Variants in DCUN1D4 observed in about 807,000 individuals in gnomAD.
The protein encoded by DCUN1D4 is defective in cullin neddylation 1 domain containing 4.
Under a neutral mutation model 47.9 loss-of-function variants are expected in DCUN1D4, and 22 were observed. The ratio of observed to expected loss-of-function variants is 0.46; its 90% CI spans 0.33 to 0.66. The LOEUF is 0.66. Ranked by LOEUF, DCUN1D4 falls within the 30% of genes least tolerant of loss-of-function variation. DCUN1D4 has a pLI of 0.02. For missense variants in DCUN1D4, 301 were observed against 340.8 expected (o/e 0.88, Z 0.92); for synonymous variants, 121 against 112.2 (o/e 1.08, Z -0.50).
intron 8 of DCUN1D4, among the ~76,000 whole-genome samples, chr4:51,904,333 G>A (rs1456410469): frequency 6.6e-6 from 1 of 152,056 alleles, no homozygotes; most frequent in Middle Eastern, 3.2e-3. Flanking sequence ...TAAACCCTGG[G>A]GACTTCTGCT....
chr4:51,914,989 T>G lies in DCUN1D4; in HGVS notation c.*1405T>G, dbSNP rs1734190791. The G allele has an allele frequency of 6.6e-6, 1 of 152,482 alleles. No homozygotes were observed. The highest frequency in any genetic ancestry group is 2.4e-5 in the African/African-American group (1 of 41,416). The allele number at this position is 152,482 out of a possible 1,614,324, so 9.4% of individuals were successfully genotyped here. A position where few individuals can be genotyped will look rare whatever the true frequency, so the allele number is the denominator to read the frequency against. On this transcript the variant is annotated 3_prime_UTR_variant, in exon 11 of 11. Coordinates refer to ENST00000334635, the MANE Select transcript of DCUN1D4 (RefSeq NM_001040402.3). ...AAAGGTAATGGTGCATTTGAACAAG[T>G]AAATGCTGTCGTGGTCAGCAAGATC...
intron 1 of DCUN1D4, among the ~76,000 whole-genome samples, chr4:51,849,821 A>T (rs901220198): frequency 6.9e-6 from 1 of 144,268 alleles, no homozygotes; most frequent in African/African-American, 2.8e-5. Context: ...TGGGAATATT[A>T]GCTACAGAAA....
At position 51,882,881 on chromosome 4, in the gene DCUN1D4, C is replaced by T. The variant is rs578103162; in HGVS notation, c.344-3687C>T. 2.6e-5 allele frequency among the ~76,000 whole-genome samples: 4 copies of T among 152,178 alleles called. No homozygotes were observed. In the South Asian group the frequency reaches 6.2e-4, roughly 24 times the overall value. On this transcript the variant is annotated intron_variant, in intron 5 of 10. Transcript: ENST00000334635. Reference sequence around the variant, plus strand: ...AAAAGAATTACAAAGTAACTTTCCCCCCCGGCTCTATGCAGCTGCTTCTCA... The same window carrying T: ...AAAAGAATTACAAAGTAACTTTCCCTCCCGGCTCTATGCAGCTGCTTCTCA...
At chr4:51,893,965 G>A (rs1174279596) in intron 7 of DCUN1D4, among the ~76,000 whole-genome samples, 1 of 152,122 alleles carries the variant, frequency 6.6e-6, no homozygotes, top group African/African-American at 2.4e-5. Flanking sequence ...GTGTTTTGAG[G>A]GCCCTATCTC....
intron 1 of DCUN1D4, 166 bp downstream of exon 1, chr4:51,843,433 C>G: frequency 3.3e-6 from 4 of 1,206,114 alleles, no homozygotes; most frequent in Non-Finnish European, 4.2e-6. Flanking sequence ...GGTGACGCTG[C>G]GGGCGGCGTG....
intron 1 of DCUN1D4, among the ~76,000 whole-genome samples, chr4:51,847,110 T>A (rs1168512283): frequency 6.6e-6 from 1 of 152,206 alleles, no homozygotes; most frequent in Non-Finnish European, 1.5e-5. Context: ...AGATATGGCC[T>A]TTCGTAGGGT....
chr4:51,846,619 A>T (rs180873602), intron 1 of DCUN1D4, among the ~76,000 whole-genome samples: 93 of 152,362 alleles, frequency 6.1e-4, no homozygotes, highest in African/African-American at 2.2e-3. Context: ...CTAACTTAGC[A>T]GTATAAAAAT....
chr4:51,851,585 G>A (rs539258059), intron 1 of DCUN1D4, among the ~76,000 whole-genome samples: 23 of 152,052 alleles, frequency 1.5e-4, no homozygotes, highest in African/African-American at 4.8e-4. Flanking sequence ...GGGTCGGTGG[G>A]AAGAACTCAA....
At chr4:51,910,462 G>A (rs2110139147) in intron 8 of DCUN1D4, among the ~76,000 whole-genome samples, 1 of 152,186 alleles carries the variant, frequency 6.6e-6, no homozygotes, top group African/African-American at 2.4e-5. Context: ...GTCTATTGAA[G>A]GACTGTATTG....
At chr4:51,834,715 G>C in the DCUN1D4 span, among the ~76,000 whole-genome samples, 1 of 152,120 alleles carries the variant, frequency 6.6e-6, no homozygotes, top group Admixed American at 6.5e-5. Flanking sequence ...CACCCACCAA[G>C]AGCCATGGTC....
rs951559087 is a variant in DCUN1D4, at chr4:51,849,749, A to G, written c.25+6482A>G. ...CTTTTTCCTAATTCTTTGTCCCCCAAAAGTTGGGATGCCTAGGAGCTAATA... is the reference window on the plus strand; with the variant it reads ...CTTTTTCCTAATTCTTTGTCCCCCAGAAGTTGGGATGCCTAGGAGCTAATA... On this transcript the variant is annotated intron_variant, in intron 1 of 10. Transcript: ENST00000334635. Among the ~76,000 whole-genome samples the G allele has an allele frequency of 2.6e-5, 4 of 151,792 alleles. No individual in the cohort carries two copies. The South Asian group carries it at 6.2e-4, about 24-fold the overall frequency.
chr4:51,881,660 T>TAAAAAAAAAAAAAA (rs534474397), intron 5 of DCUN1D4, among the ~76,000 whole-genome samples: 2 of 109,972 alleles, frequency 1.8e-5, no homozygotes, highest in African/African-American at 3.4e-5. Flanking sequence ...AGATACAAGT[T>TAAAAAAAAAAAAAA]AAAAAAAAAA....
At chr4:51,899,464 C>A (rs766747630) in intron 8 of DCUN1D4, 86 bp downstream of exon 8, 6 of 1,485,944 alleles carry the variant, frequency 4.0e-6, no homozygotes, top group Non-Finnish European at 5.3e-6. Flanking sequence ...TTACATGCCA[C>A]AGCAAAAAAA....
intron 6 of DCUN1D4, among the ~76,000 whole-genome samples, chr4:51,887,907 T>G (rs1729764909): frequency 6.6e-6 from 1 of 151,152 alleles, no homozygotes. Flanking sequence ...TTTTTTGGTT[T>G]TTTTTTTTTT....
chr4:51,844,799 G>A (rs970909823), intron 1 of DCUN1D4: 82 of 983,812 alleles, frequency 8.3e-5, no homozygotes, highest in Non-Finnish European at 9.4e-5. Context: ...TCGCGGCCGC[G>A]CCCGGCCGCG....
upstream of DCUN1D4, among the ~76,000 whole-genome samples, chr4:51,840,789 T>C (rs1458743636): frequency 4.6e-5 from 7 of 152,234 alleles, no homozygotes; most frequent in Non-Finnish European, 1.0e-4. Context: ...GAGCATTATG[T>C]AGTCATTTTA....
chr4:51,883,899 T>C (rs1462213064), intron 5 of DCUN1D4, among the ~76,000 whole-genome samples: 1 of 151,646 alleles, frequency 6.6e-6, no homozygotes, highest in African/African-American at 2.4e-5. Flanking sequence ...AAACTTTGTA[T>C]CATGTTTATG....
At chr4:51,844,992 G>A in intron 1 of DCUN1D4, 1 of 985,414 alleles carries the variant, frequency 1.0e-6, no homozygotes, top group East Asian at 1.1e-4. Flanking sequence ...GAGAGGGAGA[G>A]CCCACGCCAG....
chr4:51,848,014 A>G (rs555031931), intron 1 of DCUN1D4, among the ~76,000 whole-genome samples: 4 of 152,338 alleles, frequency 2.6e-5, no homozygotes, highest in Middle Eastern at 3.4e-3. Context: ...TATGTATTGA[A>G]TTGAACTTAA....
Sources: allele counts gnomAD v4.1 joint callset (sites outside exome capture counted in the v4.1 genomes callset), GRCh38; gene constraint gnomAD v4.1.1; transcripts MANE v1.5; gene names NCBI Gene and HGNC (gene_info 2026-07-23, HGNC 2026-07-21).